The following LRRC3B variants were observed in gnomAD, a reference collection of about 807,000 sequenced individuals.
LRRC3B encodes leucine-rich repeat-containing protein 3B.
Under a neutral mutation model 12.8 loss-of-function variants are expected in LRRC3B, and 2 were observed. The observed-to-expected ratio is 0.16, with a 90% CI of 0.06 to 0.49. LRRC3B has a LOEUF of 0.49. LRRC3B is among the 20% of genes least tolerant of loss of function. LRRC3B has a pLI of 0.96. For synonymous variants in LRRC3B, 132 were observed against 122.0 expected, an observed-to-expected ratio of 1.08 and a Z score of -0.54; for missense variants, 189 against 319.4, an observed-to-expected ratio of 0.59 and a Z score of 3.11.
At chr3:26,626,729 A>T (rs943011879) in intron 1 of LRRC3B, among the ~76,000 whole-genome samples, 1 of 152,230 alleles carries the variant, frequency 6.6e-6, no homozygotes, top group Non-Finnish European at 1.5e-5. Flanking sequence ...ATAAGCTACC[A>T]CAAATGTGAC....
intron 1 of LRRC3B, among the ~76,000 whole-genome samples, chr3:26,701,980 T>A (rs1171355078): frequency 6.6e-6 from 1 of 152,188 alleles, no homozygotes; most frequent in Admixed American, 6.5e-5. Context: ...ACTTAACAAA[T>A]ACCTGATGTG....
At chr3:26,640,796 T>C (rs1282708356) in intron 1 of LRRC3B, among the ~76,000 whole-genome samples, 3 of 152,066 alleles carry the variant, frequency 2.0e-5, no homozygotes, top group Admixed American at 6.5e-5. Flanking sequence ...GTCATATCCA[T>C]TGGACTGTGA....
chr3:26,669,248 C>A (rs552953052), intron 1 of LRRC3B, among the ~76,000 whole-genome samples: 3 of 152,270 alleles, frequency 2.0e-5, no homozygotes, highest in Non-Finnish European at 4.4e-5. Flanking sequence ...AGATGAGTGT[C>A]GTGCAGAGCT....
intron 1 of LRRC3B, among the ~76,000 whole-genome samples, chr3:26,656,142 A>T (rs1387626201): frequency 6.6e-6 from 1 of 152,198 alleles, no homozygotes; most frequent in African/African-American, 2.4e-5. Flanking sequence ...TGTAAGGCAG[A>T]ACAAGAGGTA....
At chr3:26,691,105 GTATATATATATATATATATA>G (rs1553605090) in intron 1 of LRRC3B, among the ~76,000 whole-genome samples, 2 of 84,850 alleles carry the variant, frequency 2.4e-5, no homozygotes, top group Non-Finnish European at 4.4e-5. Flanking sequence ...GTGTGTGTGT[GTATATATATATATATATATA>G]TATATATATG....
intron 1 of LRRC3B, among the ~76,000 whole-genome samples, chr3:26,654,278 G>A (rs919944084): frequency 2.0e-5 from 3 of 152,206 alleles, no homozygotes; most frequent in South Asian, 4.1e-4. Context: ...CTGTCCAACA[G>A]TGGGGCTTAG....
At chr3:26,679,782 G>A (rs921549485) in intron 1 of LRRC3B, among the ~76,000 whole-genome samples, 2 of 152,178 alleles carry the variant, frequency 1.3e-5, no homozygotes, top group African/African-American at 4.8e-5. Context: ...TGTGTTCTCT[G>A]CTGTAGGCTC....
At chr3:26,660,913 T>A (rs1045407333) in intron 1 of LRRC3B, among the ~76,000 whole-genome samples, 2 of 152,188 alleles carry the variant, frequency 1.3e-5, no homozygotes, top group Non-Finnish European at 2.9e-5. Context: ...AATTATACAA[T>A]CATGCTATGT....
chr3:26,668,845 T>C (rs1674452379), intron 1 of LRRC3B, among the ~76,000 whole-genome samples: 1 of 152,184 alleles, frequency 6.6e-6, no homozygotes, highest in African/African-American at 2.4e-5. Context: ...TTGCTGAATA[T>C]CATGCTGGAA....
chr3:26,685,484 T>TCC (rs1575160600), intron 1 of LRRC3B, among the ~76,000 whole-genome samples: 1 of 96,864 alleles, frequency 1.0e-5, no homozygotes, highest in Non-Finnish European at 2.0e-5. Flanking sequence ...GTAGACTCTC[T>TCC]CCCTCTCTCT....
intron 1 of LRRC3B, among the ~76,000 whole-genome samples, chr3:26,677,104 A>G (rs1015521630): frequency 2.0e-5 from 3 of 152,226 alleles, no homozygotes; most frequent in Admixed American, 1.3e-4. Context: ...CATCAATCTC[A>G]TTTGCAAAAT....
chr3:26,693,790 G>A (rs561585176), intron 1 of LRRC3B, among the ~76,000 whole-genome samples: 1 of 152,162 alleles, frequency 6.6e-6, no homozygotes, highest in South Asian at 2.1e-4. Context: ...TGCTTTATAA[G>A]GTTTTCAAAG....
chr3:26,691,091 A>ATGTGTG (rs1164705682), intron 1 of LRRC3B, among the ~76,000 whole-genome samples: 1 of 107,378 alleles, frequency 9.3e-6, no homozygotes, highest in South Asian at 3.5e-4. Context: ...GTGTGTGTAT[A>ATGTGTG]TGTGTGTGTG....
chr3:26,674,835 T>C (rs190587079), intron 1 of LRRC3B, among the ~76,000 whole-genome samples: 1 of 151,320 alleles, frequency 6.6e-6, no homozygotes, highest in East Asian at 1.9e-4. Flanking sequence ...TCCTTCTCAG[T>C]GAGGTTGCCC....
At chr3:26,682,994 T>C (rs1447010300) in intron 1 of LRRC3B, among the ~76,000 whole-genome samples, 1 of 152,188 alleles carries the variant, frequency 6.6e-6, no homozygotes, top group African/African-American at 2.4e-5. Context: ...ATCCTATCTA[T>C]AGTTTTTATG....
At chr3:26,665,439 G>A (rs113809431) in intron 1 of LRRC3B, among the ~76,000 whole-genome samples, 123 of 152,066 alleles carry the variant, frequency 8.1e-4, no homozygotes, top group Non-Finnish European at 1.3e-3. Flanking sequence ...GCTTTGTCTC[G>A]TTGATGTGTT....
chr3:26,633,119 C>A (rs188217628), intron 1 of LRRC3B, among the ~76,000 whole-genome samples: 8 of 152,284 alleles, frequency 5.3e-5, no homozygotes, highest in Admixed American at 4.6e-4. Context: ...CACTGCCATT[C>A]CCTATTGCTG....
intron 1 of LRRC3B, among the ~76,000 whole-genome samples, chr3:26,671,295 G>A (rs1200797556): frequency 2.1e-5 from 3 of 144,502 alleles, no homozygotes; most frequent in Admixed American, 6.9e-5. Flanking sequence ...GATTACAGGC[G>A]TGAGCCACCG....
In LRRC3B at chr3:26,644,030, G is replaced by A. The variant is rs150442782; in HGVS notation, c.-161+20793G>A. Among the ~76,000 whole-genome samples, 15 of 152,318 alleles carry A rather than the reference G, an allele frequency of 9.8e-5. No individual in the cohort carries two copies. In the East Asian group the frequency reaches 2.5e-3, roughly 26 times the overall value. On this transcript the variant is annotated intron_variant, in intron 1 of 1. Coordinates refer to ENST00000396641, the Ensembl canonical transcript of LRRC3B. ...CTGCGGTGTGAAAGGTGATTTAGAT[G>A]TGTACGAATTATTTTTTGGTATTTA...
Sources: allele counts gnomAD v4.1 joint callset (sites outside exome capture counted in the v4.1 genomes callset), GRCh38; gene constraint gnomAD v4.1.1; transcripts MANE v1.5; gene names NCBI Gene and HGNC (gene_info 2026-07-23, HGNC 2026-07-21).